The following DGKA variants were observed in gnomAD, a reference collection of about 807,000 sequenced individuals.
DGKA encodes the protein 80 kDa diacylglycerol kinase.
DGKA carries 35 observed loss-of-function variants against 105.0 expected under a neutral mutation model. That is an observed-to-expected ratio of 0.33 (90% CI 0.25 to 0.44). The LOEUF is 0.44. Ranked by LOEUF, DGKA falls within the 20% of genes least tolerant of loss-of-function variation. The pLI, the probability that DGKA is intolerant of heterozygous loss-of-function variation, is 1.00. For missense variants in DGKA, 665 were observed against 915.0 expected, an observed-to-expected ratio of 0.73 and a Z score of 3.53; for synonymous variants, 296 against 332.0, an observed-to-expected ratio of 0.89 and a Z score of 1.18.
chr12:55,939,078 T>C, intron 7 of DGKA, 89 bp downstream of exon 7: 2 of 1,606,990 alleles, frequency 1.2e-6, no homozygotes, highest in Non-Finnish European at 8.5e-7. Flanking sequence ...ACAGGCAACC[T>C]GGTTCCCTTG....
At position 55,952,011 on chromosome 12, in the gene DGKA, A is replaced by G; in HGVS notation, c.1588-24A>G. The G allele has an allele frequency of 1.9e-6, 3 of 1,613,382 alleles. No homozygotes were observed. The highest frequency in any genetic ancestry group is 2.5e-6 in the Non-Finnish European group (3 of 1,179,668). ...GAGGGAGAGATTGAGCTCTGTACTGACCTTCATGTCCCGAACTCTCCAGGA... is the reference window on the plus strand; with the variant it reads ...GAGGGAGAGATTGAGCTCTGTACTGGCCTTCATGTCCCGAACTCTCCAGGA... On this transcript the variant is annotated intron_variant, in intron 18 of 23. Coordinates refer to ENST00000331886, the MANE Select transcript of DGKA (RefSeq NM_001345.5). This position sits in a 1 kb window ranked among gnomAD's most constrained non-coding sequence, Gnocchi z 5.1.
rs952422654 is a variant in DGKA at position 55,932,721 on chromosome 12, ACAC to A, written c.-82+1378_-82+1380del. ...CACACACACACACGCACACACACAC[ACAC>A]ACACACACACACACACAACCCCCTC... On this transcript the variant is annotated intron_variant, in intron 1 of 23. Transcript: ENST00000331886. This position sits in a 1 kb window ranked among gnomAD's most constrained non-coding sequence, Gnocchi z 4.3. 2.9e-5 allele frequency: 18 copies of A among 618,486 alleles called. No homozygotes were observed. The highest frequency in any genetic ancestry group is 9.4e-5 in the Admixed American group (4 of 42,672). 38.3% of individuals were successfully genotyped at this position (618,486 alleles called of 1,614,324 possible). A position where few individuals can be genotyped will look rare whatever the true frequency, so the allele number is the denominator to read the frequency against.
chr12:55,944,543 C>G (rs1405848565), intron 17 of DGKA, among the ~76,000 whole-genome samples: 2 of 152,232 alleles, frequency 1.3e-5, no homozygotes, highest in East Asian at 1.9e-4. Context: ...GGGATTATCA[C>G]TATGGGAGCT....
intron 7 of DGKA, 47 bp downstream of exon 7, chr12:55,939,036 G>T: frequency 1.2e-6 from 2 of 1,612,990 alleles, no homozygotes; most frequent in Non-Finnish European, 1.7e-6. Context: ...TTCTTCCCTG[G>T]TGAGTCCTGC....
At chr12:55,945,043 G>A (rs148325787) in intron 17 of DGKA, among the ~76,000 whole-genome samples, 29 of 152,152 alleles carry the variant, frequency 1.9e-4, no homozygotes, top group African/African-American at 6.3e-4. Flanking sequence ...CAGGTGATCC[G>A]CCCACCTCTG....
At chr12:55,950,226 G>A (rs1887885309) in intron 17 of DGKA, among the ~76,000 whole-genome samples, 1 of 151,914 alleles carries the variant, frequency 6.6e-6, no homozygotes, top group Non-Finnish European at 1.5e-5. Context: ...GCCCTCCTCG[G>A]CCTCCCAAAA....
In DGKA at chr12:55,941,117, G is replaced by A. The variant is rs548980760; in HGVS notation, c.1102-135G>A. 5.8e-5 allele frequency: 78 copies of A among 1,336,868 alleles called. No individual in the cohort carries two copies. In the East Asian group the frequency reaches 1.8e-3, roughly 31 times the overall value. The allele number at this position is 1,336,868 out of a possible 1,614,324, so 82.8% of individuals were successfully genotyped here. A position where few individuals can be genotyped will look rare whatever the true frequency, so the allele number is the denominator to read the frequency against. On this transcript the variant is annotated intron_variant, in intron 13 of 23. Transcript: ENST00000331886. ...CCAGAAACTCCACCATGGTAGGGGA[G>A]GGAAGGGGAGGGAAACAGGAGGGAG...
chr12:55,952,283 C>T lies in DGKA; in HGVS notation c.1653-58C>T. On this transcript the variant is annotated intron_variant, in intron 19 of 23. Transcript: ENST00000331886. This position sits in a 1 kb window ranked among gnomAD's most constrained non-coding sequence, Gnocchi z 5.1. Reference sequence around the variant, plus strand: ...TGCCCTTCCCTGTCACGTACCACCCCTGCCAGCACTGTGTAACCTGTCCCT... The same window carrying T: ...TGCCCTTCCCTGTCACGTACCACCCTTGCCAGCACTGTGTAACCTGTCCCT... The T allele has an allele frequency of 1.9e-6, 3 of 1,569,894 alleles. No individual in the cohort carries two copies. Among genetic ancestry groups the T allele is most frequent in the South Asian group, 2.2e-5 (2 of 90,148 alleles).
rs772017869 is a variant in DGKA, at chr12:55,936,701, G to A, written c.64+134G>A. The A allele has an allele frequency of 3.2e-6, 4 of 1,243,878 alleles. No homozygotes were observed. The Admixed American group carries it at 7.4e-5, about 23-fold the overall frequency. 77.1% of individuals were successfully genotyped at this position (1,243,878 alleles called of 1,614,324 possible). On this transcript the variant is annotated intron_variant, in intron 2 of 23. Coordinates refer to ENST00000331886, the MANE Select transcript of DGKA (RefSeq NM_001345.5). ...GTGCTGCTCAGATGTGCCCATGACTGGAAATGGGAGGAGTGGGAGATGGGG... is the reference window on the plus strand; with the variant it reads ...GTGCTGCTCAGATGTGCCCATGACTAGAAATGGGAGGAGTGGGAGATGGGG...
rs1888281587 is a variant in DGKA at position 55,952,117 on chromosome 12, G to C, written c.1652+18G>C. The C allele has an allele frequency of 6.2e-7, 1 of 1,613,848 alleles. No individual in the cohort carries two copies. The highest frequency in any genetic ancestry group is 1.7e-5 in the Admixed American group (1 of 59,994). ...AACAGCAGGTTAGGGAAAGGAGGGG[G>C]CAGTGTGGGCATACACAGTGTCAGG... On this transcript the variant is annotated intron_variant, in intron 19 of 23. Transcript: ENST00000331886. This position sits in a 1 kb window ranked among gnomAD's most constrained non-coding sequence, Gnocchi z 5.1.
Position 55,936,462 on chromosome 12 carries a change from T to G in DGKA, c.-42T>G, listed in dbSNP as rs1430644979. 1 of 1,608,170 alleles carries G rather than the reference T, an allele frequency of 6.2e-7. No individual in the cohort carries two copies. The highest frequency in any genetic ancestry group is 1.7e-5 in the Admixed American group (1 of 59,708). The stretch of plus-strand genomic sequence containing the variant: ...GAGGTCCAAGCAACGGAAGTACTAC[T>G]ACGAAGCTGCCTTTCTGGCCATCCT... On this transcript the variant is annotated 5_prime_UTR_variant, in exon 2 of 24. Coordinates refer to ENST00000331886, the MANE Select transcript of DGKA (RefSeq NM_001345.5).
At chr12:55,938,769 C>T in intron 6 of DGKA, 146 bp from the exon 7 acceptor site, 1 of 1,533,000 alleles carries the variant, frequency 6.5e-7, no homozygotes, top group Non-Finnish European at 8.8e-7. Flanking sequence ...TACAAACATA[C>T]AAACACATTT....
In DGKA at chr12:55,932,700, CACA is replaced by C. The variant is rs1337631911; in HGVS notation, c.-82+1357_-82+1359del. On this transcript the variant is annotated intron_variant, in intron 1 of 23. Transcript: ENST00000331886. This position sits in a 1 kb window ranked among gnomAD's most constrained non-coding sequence, Gnocchi z 4.3. Reference sequence around the variant, plus strand: ...TACGCAATGACACCCTCTACACACACACACACACGCACACACACACACACACAC... The same window carrying C: ...TACGCAATGACACCCTCTACACACACCACACGCACACACACACACACACAC... 6.9e-6 allele frequency: 4 copies of C among 575,984 alleles called. No homozygotes were observed. In the African/African-American group the frequency reaches 1.4e-4, roughly 20 times the overall value. The allele number at this position is 575,984 out of a possible 1,614,324, so 35.7% of individuals were successfully genotyped here.
Position 55,932,247 on chromosome 12 carries a change from C to G in DGKA, c.-82+903C>G, listed in dbSNP as rs1316326896. ...GGTCGGGAAGGAGGAAGCGTGACAG[C>G]TGGAGCGGGTATCGAGAAGGGTCTG... On this transcript the variant is annotated intron_variant, in intron 1 of 23. Coordinates refer to ENST00000331886, the MANE Select transcript of DGKA (RefSeq NM_001345.5). The surrounding 1 kb of genome is among the most constrained non-coding windows in gnomAD (Gnocchi z 4.3). The G allele has an allele frequency of 1.2e-5, 5 of 422,026 alleles. No homozygotes were observed. Among genetic ancestry groups the G allele is most frequent in the Non-Finnish European group, 2.2e-5 (5 of 227,400 alleles). 26.1% of individuals were successfully genotyped at this position (422,026 alleles called of 1,614,324 possible). A position where few individuals can be genotyped will look rare whatever the true frequency, so the allele number is the denominator to read the frequency against.
rs753852342 is a variant in DGKA at position 55,940,341 on chromosome 12, G to A, written c.826G>A (p.Gly276Ser). 2 of 1,614,266 alleles carry A rather than the reference G, an allele frequency of 1.2e-6. No homozygotes were observed. Among genetic ancestry groups the A allele is most frequent in the Non-Finnish European group, 1.7e-6 (2 of 1,180,052 alleles). ...GVQSHVWVRG[G>S]CESGRCDRCQ... The stretch of plus-strand genomic sequence containing the variant: ...CCAATCACATGTGTGGGTGCGAGGA[G>A]GCTGTGAGTCCGGGCGCTGCGACCG... The change falls in exon 11 of 24, where the codon GGC (glycine) becomes AGC (serine). Residue 276 changes from glycine (G) to serine (S), a missense_variant. Gly to Ser is a moderately conservative substitution (Grantham distance 56). Around this residue, in one of 3 missense-constraint regions of DGKA, gnomAD observed 504 missense variants for 681.2 expected, o/e 0.74. Coordinates refer to ENST00000331886, the MANE Select transcript of DGKA (RefSeq NM_001345.5). The surrounding 1 kb of genome is among the most constrained non-coding windows in gnomAD (Gnocchi z 4.3).
chr12:55,928,554 T>A (rs989607153), upstream of DGKA, among the ~76,000 whole-genome samples: 1 of 151,590 alleles, frequency 6.6e-6, no homozygotes. Flanking sequence ...GGCGGGTGCC[T>A]GTAATCTCAG....
upstream of DGKA, among the ~76,000 whole-genome samples, chr12:55,928,918 G>T (rs1883251952): frequency 6.6e-6 from 1 of 152,040 alleles, no homozygotes; most frequent in Admixed American, 6.6e-5. Flanking sequence ...CACTTTGGGA[G>T]GCCCAGGTGG....
At chr12:55,927,733 G>A, upstream of DGKA, 1 of 1,539,904 alleles carries the variant, frequency 6.5e-7, no homozygotes. Context: ...ACCTGTCTCC[G>A]TAGCCGCAGG....
chr12:55,944,190 C>G (rs1886555301), intron 17 of DGKA, among the ~76,000 whole-genome samples: 1 of 152,096 alleles, frequency 6.6e-6, no homozygotes, highest in African/African-American at 2.4e-5. Flanking sequence ...GTCCCAACAA[C>G]TCAGGAGGTG....
Sources: gnomAD v4.1 joint callset for allele counts (sites outside exome capture counted in the v4.1 genomes callset) on GRCh38, gnomAD v4.1.1 for gene constraint, gnomAD v4.1.1 regional missense constraint, Gnocchi (gnomAD v3.1) non-coding constraint, MANE v1.5 for transcripts, NCBI Gene and HGNC (gene_info 2026-07-23, HGNC 2026-07-21) for gene names.